The following SLC35B1 variants were observed in gnomAD, a reference collection of about 807,000 sequenced individuals.
SLC35B1 encodes ATP/ADP exchanger ER.
A neutral mutation model predicts 36.6 loss-of-function variants in SLC35B1; 27 were observed. The observed-to-expected ratio is 0.74, with a 90% CI of 0.54 to 1.02. The LOEUF is 1.02. Ranked by LOEUF, SLC35B1 falls within the 50% of genes least tolerant of loss-of-function variation. The pLI, the probability that SLC35B1 is intolerant of heterozygous loss-of-function variation, is 0.00. For synonymous variants in SLC35B1, 162 were observed against 152.5 expected, an observed-to-expected ratio of 1.06 and a Z score of -0.46; for missense variants, 321 against 383.2, an observed-to-expected ratio of 0.84 and a Z score of 1.35.
chr17:49,702,898 G>A lies in SLC35B1; in HGVS notation c.876C>T (p.Ile292=). ...CAGTGCCCACCCACTGCATGGGGCT[G>A]ATGGGATTGGCGAAGAGGATCACAG... ...LASVILFANP[I]SPMQWVGTVL... The change falls in exon 8 of 9, where the codon ATC becomes ATT. Residue 292 remains isoleucine, a synonymous_variant. Coordinates refer to ENST00000240333, the MANE Select transcript of SLC35B1 (RefSeq NM_005827.4). 6.2e-7 allele frequency: 1 copy of A among 1,614,188 alleles called. No individual in the cohort carries two copies.
In SLC35B1 at chr17:49,703,351, C is replaced by T. The variant is rs1387557550; in HGVS notation, c.656-57G>A. 3 of 171,154 alleles carry T rather than the reference C, an allele frequency of 1.8e-5. No individual in the cohort carries two copies. In the African/African-American group the frequency reaches 6.0e-4, roughly 34 times the overall value. The allele number at this position is 171,154 out of a possible 1,614,324, so 10.6% of individuals were successfully genotyped here. A position where few individuals can be genotyped will look rare whatever the true frequency, so the allele number is the denominator to read the frequency against. ...ATTTTGTGCACACAAAATGTGCGCA[C>T]ACACACACACACACACACACACACA... On this transcript the variant is annotated intron_variant, in intron 6 of 8. Coordinates refer to ENST00000240333, the MANE Select transcript of SLC35B1 (RefSeq NM_005827.4).
rs369163333 is a variant in SLC35B1 at position 49,703,228 on chromosome 17, T to C, written c.722A>G (p.Tyr241Cys). 6.2e-6 allele frequency: 10 copies of C among 1,614,024 alleles called. No individual in the cohort carries two copies. Among genetic ancestry groups the C allele is most frequent in the African/African-American group, 4.0e-5 (3 of 75,024 alleles). ...GGTCAGCCCAAAGAGCAGGATGTTA[T>C]AGATGATGGCAGGGTACCTTTCAGC... ...SFAERYPAII[Y>C]NILLFGLTSA... The change falls in exon 7 of 9, where the codon TAT (tyrosine) becomes TGT (cysteine). Residue 241 changes from tyrosine to cysteine, a missense_variant. By Grantham distance (194) the Tyr-to-Cys change is radical (BLOSUM62 -2). Transcript: ENST00000240333.
At chr17:49,707,990 C>G (rs532851642), upstream of SLC35B1, 11 of 1,471,102 alleles carry the variant, frequency 7.5e-6, no homozygotes, top group African/African-American at 2.8e-5. Context: ...GCAGTCACTA[C>G]CAGAACTGCC....
At chr17:49,703,999 C>T in intron 6 of SLC35B1, 101 bp downstream of exon 6, 1 of 1,494,440 alleles carries the variant, frequency 6.7e-7, no homozygotes, top group Non-Finnish European at 9.3e-7. Context: ...GGAACTAATT[C>T]AGGCCCTTGG....
Position 49,706,975 on chromosome 17 carries a change from A to C in SLC35B1, c.198T>G (p.Phe66Leu). ...TATCTGGGTACTCACAGATCTTGGC[A>C]AACACAGCATTGATCACACATTGAA... is the stretch of plus-strand genomic sequence containing the variant. Reference protein sequence around the residue: ...VFIQCVINAVFAKILIQFFDT... With the variant: ...VFIQCVINAVLAKILIQFFDT... The change falls in exon 2 of 9, where the codon TTT (phenylalanine) becomes TTG (leucine). Residue 66 changes from phenylalanine to leucine, a missense_variant. Coordinates refer to ENST00000240333, the MANE Select transcript of SLC35B1 (RefSeq NM_005827.4). 1.2e-6 allele frequency: 2 copies of C among 1,613,532 alleles called. No individual in the cohort carries two copies. Among genetic ancestry groups the C allele is most frequent in the Non-Finnish European group, 1.7e-6 (2 of 1,179,482 alleles).
At position 49,701,088 on chromosome 17, in the gene SLC35B1, C is replaced by T. The variant is rs1396682245; in HGVS notation, c.*370G>A. ...CAAGCCTCACCCATCGGAACAGAAG[C>T]CATTAGCACAATTCTGCGATCTCAC... On this transcript the variant is annotated 3_prime_UTR_variant, in exon 9 of 9. Transcript: ENST00000240333. 5.3e-6 allele frequency: 1 copy of T among 189,936 alleles called. No homozygotes were observed. Among genetic ancestry groups the T allele is most frequent in the African/African-American group, 2.3e-5 (1 of 42,748 alleles). 11.8% of individuals were successfully genotyped at this position (189,936 alleles called of 1,614,324 possible).
rs1320567147 is a variant in SLC35B1, at chr17:49,707,750, A to C, written c.84T>G (p.Tyr28Ter). The C allele has an allele frequency of 1.2e-6, 2 of 1,611,920 alleles. No individual in the cohort carries two copies. The highest frequency in any genetic ancestry group is 1.7e-6 in the Non-Finnish European group (2 of 1,179,806). Residue 28 changes from tyrosine (Y) to a stop codon, truncating the protein, a stop_gained, in exon 1 of 9, where the codon TAT (tyrosine) becomes TAG (stop). Coordinates refer to ENST00000240333, the MANE Select transcript of SLC35B1 (RefSeq NM_005827.4). LOFTEE classifies it high-confidence loss of function. The stretch of plus-strand genomic sequence containing the variant: ...CTCACATCTTTTCCTGCAGGATCCC[A>C]TAGTAAAAATAGCAGACAAAGACAC... ...FLGVFVCYFY[Y>*]GILQEKITRG...
intron 1 of SLC35B1, chr17:49,707,278 T>C: frequency 2.7e-6 from 4 of 1,463,642 alleles, no homozygotes; most frequent in Non-Finnish European, 3.6e-6. Context: ...TTCCAAAGCC[T>C]AAGAAAAGAA....
chr17:49,705,396 G>A lies in SLC35B1; in HGVS notation c.371-115C>T, dbSNP rs922408719. On this transcript the variant is annotated intron_variant, in intron 4 of 8. Transcript: ENST00000240333. ...CAGGGAGAAAAGAATGACTGAGAAGGAAGGCTTAGAGAGGACAAAAGGAGG... is the reference window on the plus strand; with the variant it reads ...CAGGGAGAAAAGAATGACTGAGAAGAAAGGCTTAGAGAGGACAAAAGGAGG... 279 of 1,114,818 alleles carry A rather than the reference G, an allele frequency of 2.5e-4. 1 individual carries two copies. Among genetic ancestry groups the A allele is most frequent in the Non-Finnish European group, 3.2e-4 (254 of 788,818 alleles). The allele number at this position is 1,114,818 out of a possible 1,614,324, so 69.1% of individuals were successfully genotyped here. A position where few individuals can be genotyped will look rare whatever the true frequency, so the allele number is the denominator to read the frequency against.
chr17:49,707,843 A>G lies in SLC35B1; in HGVS notation c.-10T>C, dbSNP rs999826742. 1.2e-6 allele frequency: 2 copies of G among 1,611,364 alleles called. No individual in the cohort carries two copies. Among genetic ancestry groups the G allele is most frequent in the African/African-American group, 2.7e-5 (2 of 74,864 alleles). On this transcript the variant is annotated 5_prime_UTR_variant, in exon 1 of 9. Coordinates refer to ENST00000240333, the MANE Select transcript of SLC35B1 (RefSeq NM_005827.4). ...AGCTGCTAGAGGCCATGAGACGCCC[A>G]GAGGAGCCGACTGGAGACCCGCTCA...
At chr17:49,702,710 C>T (rs1208095776) in intron 8 of SLC35B1, 148 bp downstream of exon 8, 1 of 796,332 alleles carries the variant, frequency 1.3e-6, no homozygotes, top group Non-Finnish European at 1.9e-6. Context: ...CCACTGCACT[C>T]ACTCCAGCCT....
intron 2 of SLC35B1, 37 bp from the exon 3 acceptor site, chr17:49,706,371 G>GAAAAAAAAAA (rs746929106): frequency 4.5e-6 from 2 of 442,746 alleles, no homozygotes; most frequent in Admixed American, 7.9e-5. Flanking sequence ...AAAAAGAAAA[G>GAAAAAAAAAA]AAAAGAAAAA....
At position 49,701,454 on chromosome 17, in the gene SLC35B1, C is replaced by CTT; in HGVS notation, c.*2_*3dup. The CTT allele has an allele frequency of 6.2e-7, 1 of 1,611,318 alleles. No individual in the cohort carries two copies. Among genetic ancestry groups the CTT allele is most frequent in the East Asian group, 2.2e-5 (1 of 44,868 alleles). On this transcript the variant is annotated 3_prime_UTR_variant, in exon 9 of 9. Transcript: ENST00000240333. Reference sequence around the variant, plus strand: ...TTCTTGATGTGGAGGTAGTCTCTCTCTTCCTAGTGGGATGTCTTCTTAGCT... The same window carrying CTT: ...TTCTTGATGTGGAGGTAGTCTCTCTCTTTTCCTAGTGGGATGTCTTCTTAGCT...
At chr17:49,703,322 G>T in intron 6 of SLC35B1, 28 bp from the exon 7 acceptor site, 1 of 1,462,856 alleles carries the variant, frequency 6.8e-7, no homozygotes, top group Non-Finnish European at 9.5e-7. Flanking sequence ...CAAATGTACG[G>T]CGCATTTTGT....
rs139912694 is a variant in SLC35B1, at chr17:49,706,713, A to G, written c.208+252T>C. 2.3e-3 allele frequency among the ~76,000 whole-genome samples: 354 copies of G among 152,362 alleles called. 1 individual carries two copies. The highest frequency in any genetic ancestry group is 4.3e-3 in the African/African-American group (179 of 41,592). On this transcript the variant is annotated intron_variant, in intron 2 of 8. Coordinates refer to ENST00000240333, the MANE Select transcript of SLC35B1 (RefSeq NM_005827.4). Reference sequence around the variant, plus strand: ...GAAAAAAATGTTTTAAGTATTTTCAATGGGGATTTGGAATATAGAAGACCC... The same window carrying G: ...GAAAAAAATGTTTTAAGTATTTTCAGTGGGGATTTGGAATATAGAAGACCC...
intron 4 of SLC35B1, 127 bp downstream of exon 4, chr17:49,705,739 C>G: frequency 1.1e-6 from 1 of 873,520 alleles, no homozygotes; most frequent in Non-Finnish European, 1.9e-6. Context: ...GCAGGGAGAG[C>G]TGGGGGAAAG....
chr17:49,702,757 G>A (rs1387145815), intron 8 of SLC35B1, 101 bp downstream of exon 8: 46 of 1,348,136 alleles, frequency 3.4e-5, no homozygotes, highest in Admixed American at 4.5e-5. Context: ...AAAAAAAAGA[G>A]AAAAGTTTTC....
Position 49,701,471 on chromosome 17 carries a change from T to G in SLC35B1, c.956A>C (p.Lys319Thr), listed in dbSNP as rs539269670. The change falls in exon 9 of 9, where the codon AAG (lysine) becomes ACG (threonine). Residue 319 changes from lysine to threonine, a missense_variant. Transcript: ENST00000240333. ...GTCTCTCTCTTCCTAGTGGGATGTC[T>G]TCTTAGCTCCTTTCCCAAACTTGGC... ...LDAKFGKGAK[K>T]TSH The G allele has an allele frequency of 1.2e-6, 2 of 1,613,676 alleles. 1 individual carries two copies. The highest frequency in any genetic ancestry group is 2.2e-5 in the South Asian group (2 of 91,076).
At chr17:49,706,102 CTT>C (rs558001093) in intron 3 of SLC35B1, 100 bp downstream of exon 3, 65,222 of 803,280 alleles carry the variant, frequency 0.081, no homozygotes, top group East Asian at 0.14. Flanking sequence ...GGACCGTTAT[CTT>C]TTTTTTTTTT....
Sources: allele counts gnomAD v4.1 joint callset (sites outside exome capture counted in the v4.1 genomes callset), GRCh38; gene constraint gnomAD v4.1.1; transcripts MANE v1.5; gene names NCBI Gene and HGNC (gene_info 2026-07-23, HGNC 2026-07-21).